Variants in GABRG3 observed in about 807,000 individuals in gnomAD.
GABRG3 encodes the protein gamma-aminobutyric acid type A receptor subunit gamma3.
In GABRG3, 25 loss-of-function variants were observed where a neutral mutation model predicts 48.8. That is an observed-to-expected ratio of 0.51 (90% confidence interval 0.37 to 0.72). The LOEUF is 0.72. Among genes scored for constraint, GABRG3 ranks in the 30% least tolerant of loss-of-function variants. The pLI, the probability that GABRG3 is intolerant of heterozygous loss-of-function variation, is 0.00. For missense variants in GABRG3, 394 were observed against 577.9 expected, an observed-to-expected ratio of 0.68 and a Z score of 3.26; for synonymous variants, 227 against 217.6, an observed-to-expected ratio of 1.04 and a Z score of -0.38.
intron 5 of GABRG3, among the ~76,000 whole-genome samples, chr15:27,456,201 G>A (rs1889270468): frequency 6.6e-6 from 1 of 152,180 alleles, no homozygotes; most frequent in Non-Finnish European, 1.5e-5. Flanking sequence ...GGCCTGGGCT[G>A]TCACATCTAC....
intron 3 of GABRG3, among the ~76,000 whole-genome samples, chr15:27,265,570 C>T (rs1006907511): frequency 6.6e-6 from 1 of 152,104 alleles, no homozygotes; most frequent in Non-Finnish European, 1.5e-5. Flanking sequence ...AGGGAAGCGC[C>T]GAAAGCATTA....
chr15:26,973,302 A>G (rs1022870624), intron 1 of GABRG3, among the ~76,000 whole-genome samples: 1 of 152,158 alleles, frequency 6.6e-6, no homozygotes, highest in Non-Finnish European at 1.5e-5. Context: ...TCATCCTTCC[A>G]TTCTACTAAG....
chr15:27,481,727 A>T (rs544181166), intron 6 of GABRG3, among the ~76,000 whole-genome samples: 134 of 152,334 alleles, frequency 8.8e-4, no homozygotes, highest in African/African-American at 3.1e-3. Context: ...GTGTCATGGT[A>T]GAAAATCTGA....
chr15:27,442,605 GTA>G (rs1888824190), intron 5 of GABRG3, among the ~76,000 whole-genome samples: 3 of 152,164 alleles, frequency 2.0e-5, no homozygotes, highest in Non-Finnish European at 4.4e-5. Flanking sequence ...GAGCCCACAT[GTA>G]GTCCCCTTAT....
At chr15:27,375,887 A>G (rs958781473) in intron 5 of GABRG3, among the ~76,000 whole-genome samples, 4 of 152,202 alleles carry the variant, frequency 2.6e-5, no homozygotes, top group Non-Finnish European at 4.4e-5. Context: ...TGCCTTCCCA[A>G]CAGTCCCTGA....
chr15:27,209,347 T>TTTCTTTCCTTCC (rs796646267), intron 3 of GABRG3, among the ~76,000 whole-genome samples: 1 of 151,306 alleles, frequency 6.6e-6, no homozygotes, highest in African/African-American at 2.4e-5. Flanking sequence ...TCTTTCTTTC[T>TTTCTTTCCTTCC]TTCCTTCCTT....
At chr15:26,971,688 TGGGCTGCGGCACGGC>T in intron 1 of GABRG3, 100 bp downstream of exon 1, 1 of 1,331,322 alleles carries the variant, frequency 7.5e-7, no homozygotes, top group Non-Finnish European at 9.7e-7. Flanking sequence ...AGCCGTCGGC[TGGGCTGCGGCACGGC>T]GGGCCGGGAG....
At chr15:27,455,288 G>A (rs1889229249) in intron 5 of GABRG3, among the ~76,000 whole-genome samples, 1 of 152,170 alleles carries the variant, frequency 6.6e-6, no homozygotes, top group Non-Finnish European at 1.5e-5. Context: ...TACACCTTCC[G>A]CCCTTTAATC....
chr15:27,503,193 C>T (rs1890684137), intron 6 of GABRG3, among the ~76,000 whole-genome samples: 1 of 152,214 alleles, frequency 6.6e-6, no homozygotes, highest in South Asian at 2.1e-4. Context: ...GCACACAAAA[C>T]AGGCATCACC....
At chr15:27,430,185 C>T (rs1346887683) in intron 5 of GABRG3, among the ~76,000 whole-genome samples, 1 of 152,152 alleles carries the variant, frequency 6.6e-6, no homozygotes, top group East Asian at 1.9e-4. Flanking sequence ...TGCTTATTGG[C>T]CATTCATATA....
intron 3 of GABRG3, among the ~76,000 whole-genome samples, chr15:27,223,750 C>A (rs1889524295): frequency 6.6e-6 from 1 of 152,136 alleles, no homozygotes; most frequent in Non-Finnish European, 1.5e-5. Flanking sequence ...TGTGCTCTTG[C>A]CTCCCCTGCT....
At chr15:27,068,354 C>T (rs753004224) in intron 3 of GABRG3, among the ~76,000 whole-genome samples, 5 of 152,228 alleles carry the variant, frequency 3.3e-5, no homozygotes, top group Non-Finnish European at 5.9e-5. Flanking sequence ...GAGCCATCCA[C>T]ACTGCAGGAG....
At chr15:26,994,779 T>C (rs1256386156) in intron 2 of GABRG3, among the ~76,000 whole-genome samples, 2 of 152,068 alleles carry the variant, frequency 1.3e-5, no homozygotes, top group South Asian at 2.1e-4. Flanking sequence ...CCTTCTGTTA[T>C]TGATTTCTAA....
chr15:27,123,994 G>T (rs1365215866), intron 3 of GABRG3, among the ~76,000 whole-genome samples: 2 of 152,196 alleles, frequency 1.3e-5, no homozygotes, highest in Non-Finnish European at 2.9e-5. Context: ...TGCTGACTCA[G>T]CCCTGCCTTG....
chr15:27,356,514 T>C (rs1207174811), intron 5 of GABRG3, among the ~76,000 whole-genome samples: 1 of 152,158 alleles, frequency 6.6e-6, no homozygotes, highest in Non-Finnish European at 1.5e-5. Context: ...AACATCTACA[T>C]ATAGGCTCAG....
intron 3 of GABRG3, among the ~76,000 whole-genome samples, chr15:27,184,363 A>T (rs1306257534): frequency 6.6e-6 from 1 of 152,140 alleles, no homozygotes; most frequent in Admixed American, 6.5e-5. Context: ...TCCTGTTTTC[A>T]GGCAAAAAGG....
intron 5 of GABRG3, among the ~76,000 whole-genome samples, chr15:27,403,957 C>T (rs1335062397): frequency 6.7e-6 from 1 of 148,992 alleles, no homozygotes; most frequent in Non-Finnish European, 1.5e-5. Flanking sequence ...CTTGGTAGCT[C>T]ACGCCTGTAG....
chr15:27,114,718 A>C (rs775857905), intron 3 of GABRG3, among the ~76,000 whole-genome samples: 1 of 152,224 alleles, frequency 6.6e-6, no homozygotes, highest in Non-Finnish European at 1.5e-5. Flanking sequence ...TTGAAAGCAG[A>C]AGACAAAGTT....
chr15:27,449,074 A>G (rs1304565065), intron 5 of GABRG3, among the ~76,000 whole-genome samples: 3 of 152,288 alleles, frequency 2.0e-5, no homozygotes, highest in East Asian at 3.9e-4. Flanking sequence ...TGACAGATAC[A>G]TGGTCTGACT....
Sources: gnomAD v4.1 joint callset for allele counts (sites outside exome capture counted in the v4.1 genomes callset) on GRCh38, gnomAD v4.1.1 for gene constraint, MANE v1.5 for transcripts, NCBI Gene and HGNC (gene_info 2026-07-23, HGNC 2026-07-21) for gene names.